ZNF732: variants seen among roughly 807,000 people sequenced by gnomAD.
ZNF732 encodes the protein zinc finger protein 732.
In ZNF732, 12 loss-of-function variants were observed where a neutral mutation model predicts 11.5. The ratio of observed to expected loss-of-function variants is 1.05; its 90% CI spans 0.67 to 1.70. ZNF732 has a LOEUF of 1.70. ZNF732 is among the 40% of genes most tolerant of loss of function. ZNF732 has a pLI of 0.00. For missense variants in ZNF732, 702 were observed against 676.9 expected, an observed-to-expected ratio of 1.04 and a Z score of -0.41; for synonymous variants, 231 against 236.5, an observed-to-expected ratio of 0.98 and a Z score of 0.21.
At chr4:303,794 C>T (rs2108663265) in intron 1 of ZNF732, among the ~76,000 whole-genome samples, 1 of 152,172 alleles carries the variant, frequency 6.6e-6, no homozygotes, top group Non-Finnish European at 1.5e-5. Context: ...TTCTCGCAGG[C>T]AAGTGAGGGA....
intron 3 of ZNF732, among the ~76,000 whole-genome samples, chr4:291,765 C>T (rs1560162196): frequency 6.6e-6 from 1 of 152,042 alleles, no homozygotes; most frequent in Non-Finnish European, 1.5e-5. Flanking sequence ...ATAACGTAAG[C>T]CATCTTGAGA....
intron 3 of ZNF732, among the ~76,000 whole-genome samples, chr4:285,834 G>A (rs1449452231): frequency 2.6e-5 from 4 of 152,162 alleles, no homozygotes; most frequent in African/African-American, 7.2e-5. Flanking sequence ...CAACCTCCCA[G>A]GGTTCAAGCG....
At chr4:301,995 A>T (rs999981207) in intron 1 of ZNF732, among the ~76,000 whole-genome samples, 1 of 152,254 alleles carries the variant, frequency 6.6e-6, no homozygotes, top group Non-Finnish European at 1.5e-5. Context: ...GATGCCAGGC[A>T]CACTGACGAA....
At chr4:294,821 T>C (rs1157921942) in intron 3 of ZNF732, among the ~76,000 whole-genome samples, 1 of 152,236 alleles carries the variant, frequency 6.6e-6, no homozygotes, top group African/African-American at 2.4e-5. Context: ...AATTTTCACA[T>C]ACAGAGTTTA....
intron 3 of ZNF732, among the ~76,000 whole-genome samples, chr4:279,455 A>AC (rs555534238): frequency 4.6e-5 from 7 of 151,998 alleles, no homozygotes; most frequent in Admixed American, 6.6e-5. Context: ...CAAAAAAAAA[A>AC]AACAACAACC....
At chr4:288,720 T>C (rs1199339024) in intron 3 of ZNF732, among the ~76,000 whole-genome samples, 2 of 152,244 alleles carry the variant, frequency 1.3e-5, no homozygotes, top group African/African-American at 4.8e-5. Flanking sequence ...ATGATGGTCC[T>C]TGAAATTCTA....
chr4:292,241 AG>A (rs1307966581), intron 3 of ZNF732, among the ~76,000 whole-genome samples: 2 of 152,190 alleles, frequency 1.3e-5, no homozygotes, highest in Non-Finnish European at 1.5e-5. Context: ...TGCACAGCAA[AG>A]GAAAAGAAAA....
intron 3 of ZNF732, among the ~76,000 whole-genome samples, chr4:273,734 CAAA>C (rs1224476555): frequency 6.6e-6 from 1 of 151,740 alleles, no homozygotes. Flanking sequence ...AAATCAAACT[CAAA>C]AACGACATCT....
At chr4:290,415 C>G (rs1486824713) in intron 3 of ZNF732, among the ~76,000 whole-genome samples, 3 of 152,256 alleles carry the variant, frequency 2.0e-5, no homozygotes, top group Non-Finnish European at 2.9e-5. Context: ...CAGGAAGACA[C>G]AGCCAGCAAT....
At chr4:279,427 CAG>C (rs1409468114) in intron 3 of ZNF732, among the ~76,000 whole-genome samples, 28 of 144,852 alleles carry the variant, frequency 1.9e-4, no homozygotes, top group Non-Finnish European at 3.8e-4. Flanking sequence ...GCGTGGGTGA[CAG>C]AGCGAGACTC....
chr4:274,305 T>A (rs1719449363), intron 3 of ZNF732, among the ~76,000 whole-genome samples: 1 of 151,498 alleles, frequency 6.6e-6, no homozygotes, highest in Non-Finnish European at 1.5e-5. Context: ...AAGTTAAGTT[T>A]TTACCAGTTT....
At chr4:303,851 G>C (rs1215578925) in intron 1 of ZNF732, among the ~76,000 whole-genome samples, 1 of 152,116 alleles carries the variant, frequency 6.6e-6, no homozygotes, top group African/African-American at 2.4e-5. Flanking sequence ...TTGTGAGGAA[G>C]AAAAAAGCAG....
intron 1 of ZNF732, among the ~76,000 whole-genome samples, chr4:304,312 C>T (rs782145113): frequency 1.1e-4 from 16 of 151,744 alleles, no homozygotes; most frequent in Non-Finnish European, 1.9e-4. Flanking sequence ...CCCTTCTCTC[C>T]CCGGAAGGAG....
chr4:303,740 C>T lies in ZNF732; in HGVS notation c.3+1568G>A, dbSNP rs79627729. On this transcript the variant is annotated intron_variant, in intron 1 of 3. Coordinates refer to ENST00000419098, the MANE Select transcript of ZNF732 (RefSeq NM_001137608.3). ...GTCTAATTTGGGTTTGCTCCTGCAACAGCCAGGTTTAAAGGCATGGTCTTG... is the reference window on the plus strand; with the variant it reads ...GTCTAATTTGGGTTTGCTCCTGCAATAGCCAGGTTTAAAGGCATGGTCTTG... Among the ~76,000 whole-genome samples, 203 of 152,356 alleles carry T rather than the reference C, an allele frequency of 1.3e-3. 1 individual carries two copies. Among genetic ancestry groups the T allele is most frequent in the African/African-American group, 4.4e-3 (181 of 41,588 alleles).
At chr4:274,142 AATT>A (rs1210399314) in intron 3 of ZNF732, among the ~76,000 whole-genome samples, 6 of 151,772 alleles carry the variant, frequency 4.0e-5, no homozygotes, top group African/African-American at 1.4e-4. Context: ...AAAATATTGT[AATT>A]ATTCTCTAAA....
chr4:270,743 C>T lies in ZNF732; in HGVS notation c.*356G>A, dbSNP rs1719332668. The T allele has an allele frequency of 2.6e-5, 12 of 454,538 alleles. No homozygotes were observed. Among genetic ancestry groups the T allele is most frequent in the South Asian group, 2.3e-4 (11 of 47,638 alleles). The allele number at this position is 454,538 out of a possible 1,614,324, so 28.2% of individuals were successfully genotyped here. A position where few individuals can be genotyped will look rare whatever the true frequency, so the allele number is the denominator to read the frequency against. ...TTTATGGGTGAGGACCGTTTATAGG[C>T]TTTCCCACATTCTTTACATTTGTAG... On this transcript the variant is annotated 3_prime_UTR_variant, in exon 4 of 4. Coordinates refer to ENST00000419098, the MANE Select transcript of ZNF732 (RefSeq NM_001137608.3).
chr4:297,448 T>C (rs991321633), intron 1 of ZNF732, among the ~76,000 whole-genome samples: 7 of 152,022 alleles, frequency 4.6e-5, no homozygotes, highest in African/African-American at 1.7e-4. Flanking sequence ...AGGATTTAAA[T>C]ACAGGGCCCA....
At chr4:291,507 T>G (rs1719842373) in intron 3 of ZNF732, among the ~76,000 whole-genome samples, 3 of 151,930 alleles carry the variant, frequency 2.0e-5, no homozygotes, top group Admixed American at 2.0e-4. Context: ...AATAAAAAAT[T>G]TACACACTAA....
At chr4:286,537 C>G (rs1553840610) in intron 3 of ZNF732, among the ~76,000 whole-genome samples, 1 of 152,136 alleles carries the variant, frequency 6.6e-6, no homozygotes, top group African/African-American at 2.4e-5. Flanking sequence ...GTGGAGGAAG[C>G]CAGGCACAAG....
Sources: gnomAD v4.1 joint callset for allele counts (sites outside exome capture counted in the v4.1 genomes callset) on GRCh38, gnomAD v4.1.1 for gene constraint, MANE v1.5 for transcripts, NCBI Gene and HGNC (gene_info 2026-07-23, HGNC 2026-07-21) for gene names.